Variants in DYRK1A observed in about 807,000 individuals in gnomAD.
DYRK1A encodes dual specificity tyrosine phosphorylation regulated kinase 1A.
In DYRK1A, 9 loss-of-function variants were observed where a neutral mutation model predicts 79.7. That is an observed-to-expected ratio of 0.11 (90% CI 0.07 to 0.20). DYRK1A has a LOEUF of 0.20. DYRK1A is among the 10% of genes least tolerant of loss of function. The probability of loss-of-function intolerance (pLI) is 1.00; values close to 1 mark genes in which losing one functional copy is unlikely to be tolerated. For missense variants in DYRK1A, 622 were observed against 956.0 expected, an observed-to-expected ratio of 0.65 and a Z score of 4.61; for synonymous variants, 349 against 329.7, an observed-to-expected ratio of 1.06 and a Z score of -0.63.
chr21:37,389,545 C>T (rs976603256), intron 1 of DYRK1A, among the ~76,000 whole-genome samples: 16 of 152,010 alleles, frequency 1.1e-4, no homozygotes, highest in Middle Eastern at 3.2e-3. Context: ...TTTTTGTTTT[C>T]CATCATAGCG....
intron 1 of DYRK1A, among the ~76,000 whole-genome samples, chr21:37,408,934 C>T (rs545891524): frequency 5.1e-4 from 77 of 152,274 alleles, no homozygotes; most frequent in African/African-American, 1.7e-3. Flanking sequence ...ATGCAGTTAC[C>T]TGCAGTTCAG....
At chr21:37,495,152 T>TTTTGTG (rs368928655) in intron 8 of DYRK1A, among the ~76,000 whole-genome samples, 8 of 137,648 alleles carry the variant, frequency 5.8e-5, no homozygotes, top group African/African-American at 1.9e-4. Flanking sequence ...CTCTGGGATT[T>TTTTGTG]TGTGTGTGTG....
At position 37,521,906 on chromosome 21, in the gene DYRK1A, T is replaced by A. The variant is rs2148676229; in HGVS notation, c.*9375T>A. 1 of 152,120 alleles carries A rather than the reference T, an allele frequency of 6.6e-6. No homozygotes were observed. The highest frequency in any genetic ancestry group is 1.5e-5 in the Non-Finnish European group (1 of 68,000). The allele number at this position is 152,120 out of a possible 1,614,324, so 9.4% of individuals were successfully genotyped here. A position where few individuals can be genotyped will look rare whatever the true frequency, so the allele number is the denominator to read the frequency against. On this transcript the variant is annotated 3_prime_UTR_variant, in exon 12 of 12. Transcript: ENST00000647188. ...GAGGACTTTGAGTGCTAAGGGCTTG[T>A]AGGAGAACGTTGTGGAGATGTCCGG...
In DYRK1A at chr21:37,512,306, C is replaced by G; in HGVS notation, c.2040C>G (p.Thr680=). 1.2e-6 allele frequency: 2 copies of G among 1,614,244 alleles called. No homozygotes were observed. The highest frequency in any genetic ancestry group is 8.5e-7 in the Non-Finnish European group (1 of 1,180,042). Residue 680 remains threonine, a synonymous_variant, in exon 12 of 12, where the codon ACC becomes ACG. Transcript: ENST00000647188. ...AGAATCGCCCAGTGGCTGCTAATAC[C>G]TTGGACTTTGGACAGAATGGAGCTA... ...AYQNRPVAAN[T]LDFGQNGAMD...
rs1419013885 is a variant in DYRK1A, at chr21:37,517,945, G to A, written c.*5414G>A. The A allele has an allele frequency of 6.6e-6, 1 of 152,208 alleles. No homozygotes were observed. The highest frequency in any genetic ancestry group is 1.5e-5 in the Non-Finnish European group (1 of 68,046). 9.4% of individuals were successfully genotyped at this position (152,208 alleles called of 1,614,324 possible). On this transcript the variant is annotated 3_prime_UTR_variant, in exon 12 of 12. Transcript: ENST00000647188. ...GTCTGGCTTTGTCACGCAAGCTGGA[G>A]TTTGGTGGTGTGATTGCAGCTCACT...
intron 1 of DYRK1A, among the ~76,000 whole-genome samples, chr21:37,375,838 G>GTGT (rs2049527977): frequency 1.3e-5 from 2 of 151,828 alleles, no homozygotes; most frequent in Non-Finnish European, 2.9e-5. Flanking sequence ...CTGTTATGAG[G>GTGT]TTAACACTTT....
intron 8 of DYRK1A, among the ~76,000 whole-genome samples, chr21:37,493,670 A>C (rs1475415140): frequency 6.6e-6 from 1 of 152,178 alleles, no homozygotes; most frequent in Non-Finnish European, 1.5e-5. Context: ...AGATTTTTCA[A>C]GGTCAGAGGC....
chr21:37,494,278 C>G lies in DYRK1A; in HGVS notation c.1071+1115C>G, dbSNP rs111950129. Among the ~76,000 whole-genome samples the G allele has an allele frequency of 2.1e-3, 326 of 151,682 alleles. 1 individual carries two copies. The highest frequency in any genetic ancestry group is 3.5e-3 in the Non-Finnish European group (240 of 67,894). On this transcript the variant is annotated intron_variant, in intron 8 of 11. Coordinates refer to ENST00000647188, the MANE Select transcript of DYRK1A (RefSeq NM_001347721.2). ...GTTTTTTTTTTTAGTATAAATCTTACTGTGTAAATTAGTATCTTTCTTGGG... is the reference window on the plus strand; with the variant it reads ...GTTTTTTTTTTTAGTATAAATCTTAGTGTGTAAATTAGTATCTTTCTTGGG...
At position 37,496,153 on chromosome 21, in the gene DYRK1A, T is replaced by C. The variant is rs780194860; in HGVS notation, c.1107T>C (p.Gly369=). 2 of 1,613,798 alleles carry C rather than the reference T, an allele frequency of 1.2e-6. No individual in the cohort carries two copies. The highest frequency in any genetic ancestry group is 2.2e-5 in the South Asian group (2 of 90,934). ...DQMNKIVEVL[G]IPPAHILDQA... ...TGAATAAAATAGTGGAAGTTCTGGG[T>C]ATTCCACCTGCTCATATTCTTGACC... is the stretch of plus-strand genomic sequence containing the variant. Residue 369 remains glycine (G), a synonymous_variant, in exon 9 of 12, where the codon GGT becomes GGC. Coordinates refer to ENST00000647188, the MANE Select transcript of DYRK1A (RefSeq NM_001347721.2).
At chr21:37,412,906 A>C (rs1006738636) in intron 1 of DYRK1A, among the ~76,000 whole-genome samples, 2 of 152,142 alleles carry the variant, frequency 1.3e-5, no homozygotes, top group Non-Finnish European at 2.9e-5. Context: ...AGTGGAGAAG[A>C]GAGTTTGAAG....
upstream of DYRK1A, chr21:37,366,097 C>T (rs1051347777): frequency 5.3e-5 from 8 of 151,870 alleles, no homozygotes; most frequent in African/African-American, 1.9e-4. Context: ...AGGAGGCCCG[C>T]CAGCCCTTCG....
At chr21:37,426,225 G>T (rs1324309700) in intron 2 of DYRK1A, among the ~76,000 whole-genome samples, 1 of 152,144 alleles carries the variant, frequency 6.6e-6, no homozygotes, top group African/African-American at 2.4e-5. Context: ...TTCATGAAAA[G>T]GGAAGAGAAC....
intron 2 of DYRK1A, among the ~76,000 whole-genome samples, chr21:37,435,991 G>A (rs2050913552): frequency 6.6e-6 from 1 of 150,928 alleles, no homozygotes. Flanking sequence ...AGGTTCTGCA[G>A]AAAAAAAAAT....
intron 1 of DYRK1A, among the ~76,000 whole-genome samples, chr21:37,378,642 GTTC>G (rs527241769): frequency 6.7e-4 from 102 of 152,350 alleles, no homozygotes; most frequent in African/African-American, 2.0e-3. Flanking sequence ...GGGGGCTCTT[GTTC>G]TTCTTCAATT....
intron 2 of DYRK1A, among the ~76,000 whole-genome samples, chr21:37,457,952 C>T (rs1046790240): frequency 6.6e-6 from 1 of 152,200 alleles, no homozygotes; most frequent in Non-Finnish European, 1.5e-5. Flanking sequence ...TTAGTAACAC[C>T]TTCAGACACT....
chr21:37,413,297 G>A (rs73216446), intron 1 of DYRK1A, among the ~76,000 whole-genome samples: 11,471 of 152,092 alleles, frequency 0.075, 643 homozygotes, highest in Non-Finnish European at 0.11. Flanking sequence ...TTATTTAAAG[G>A]CAATGGTTTA....
intron 2 of DYRK1A, among the ~76,000 whole-genome samples, chr21:37,468,989 A>G (rs926640217): frequency 6.6e-6 from 1 of 152,230 alleles, no homozygotes; most frequent in African/African-American, 2.4e-5. Context: ...CTTACAATTC[A>G]GTAGAAAAAA....
chr21:37,434,980 CAT>C (rs1162906643), intron 2 of DYRK1A, among the ~76,000 whole-genome samples: 9 of 152,204 alleles, frequency 5.9e-5, no homozygotes, highest in African/African-American at 1.2e-4. Flanking sequence ...GAAAAACTCA[CAT>C]GTCTATATAG....
rs2053920594 is a variant in DYRK1A at position 37,519,793 on chromosome 21, G to C, written c.*7262G>C. 1 of 118,524 alleles carries C rather than the reference G, an allele frequency of 8.4e-6. No homozygotes were observed. The highest frequency in any genetic ancestry group is 4.3e-5 in the African/African-American group (1 of 23,168). The allele number at this position is 118,524 out of a possible 1,614,324, so 7.3% of individuals were successfully genotyped here. ...GTCTCGCTCTGTCGCCCAGGCTGGAGTGCAGTGGCGCGATCTCGGCTCACT... is the reference window on the plus strand; with the variant it reads ...GTCTCGCTCTGTCGCCCAGGCTGGACTGCAGTGGCGCGATCTCGGCTCACT... On this transcript the variant is annotated 3_prime_UTR_variant, in exon 12 of 12. Transcript: ENST00000647188.
Sources: allele counts gnomAD v4.1 joint callset (sites outside exome capture counted in the v4.1 genomes callset), GRCh38; gene constraint gnomAD v4.1.1; transcripts MANE v1.5; gene names NCBI Gene and HGNC (gene_info 2026-07-23, HGNC 2026-07-21).